Variants in SSUH2 observed in about 807,000 individuals in gnomAD.
SSUH2 encodes the protein ssu-2 homolog.
In SSUH2, 47 loss-of-function variants were observed where a neutral mutation model predicts 55.3. That is an observed-to-expected ratio of 0.85 (90% CI 0.67 to 1.08). SSUH2 has a LOEUF of 1.08. Ranked by LOEUF, SSUH2 falls within the 50% of genes least tolerant of loss-of-function variation. The pLI, the probability that SSUH2 is intolerant of heterozygous loss-of-function variation, is 0.00. For synonymous variants in SSUH2, 212 were observed against 191.5 expected (o/e 1.11, Z -0.89); for missense variants, 535 against 490.7 (o/e 1.09, Z -0.85).
intron 3 of SSUH2, among the ~76,000 whole-genome samples, chr3:8,672,997 T>A (rs576178551): frequency 3.3e-5 from 5 of 152,272 alleles, no homozygotes; most frequent in Admixed American, 3.3e-4. Context: ...ACTGAGGTAT[T>A]AGGCATAATA....
intron 6 of SSUH2, among the ~76,000 whole-genome samples, chr3:8,629,998 C>T (rs763186301): frequency 6.6e-6 from 1 of 152,176 alleles, no homozygotes; most frequent in East Asian, 1.9e-4. Flanking sequence ...TCACACTCTA[C>T]GGTTTCCTAC....
Position 8,663,465 on chromosome 3 carries a change from A to G in SSUH2, c.-396+279T>C, listed in dbSNP as rs541851996. Among the ~76,000 whole-genome samples, 38 of 151,332 alleles carry G rather than the reference A, an allele frequency of 2.5e-4. No homozygotes were observed. In the South Asian group the frequency reaches 7.7e-3, roughly 31 times the overall value. Reference sequence around the variant, plus strand: ...TCCTTTGTTCCCTGATAGTTTCATCAGGGCTTTGTGAGAAACAAACACAAA... The same window carrying G: ...TCCTTTGTTCCCTGATAGTTTCATCGGGGCTTTGTGAGAAACAAACACAAA... On this transcript the variant is annotated intron_variant, in intron 6 of 18. Transcript: ENST00000317371.
In SSUH2 at chr3:8,633,792, G is replaced by A. The variant is rs1699376208; in HGVS notation, c.213C>T (p.Val71=). 3 of 1,613,384 alleles carry A rather than the reference G, an allele frequency of 1.9e-6. No homozygotes were observed. Among genetic ancestry groups the A allele is most frequent in the African/African-American group, 2.7e-5 (2 of 74,936 alleles). ...RSWPSFLEHR[V]PAMTEEVARE... is the part of the protein sequence containing the mutation. Reference sequence around the variant, plus strand: ...GGGCCACCTCCTCCGTCATCGCAGGGACTCTGCAGGGGACCGAACAGAGAG... The same window carrying A: ...GGGCCACCTCCTCCGTCATCGCAGGAACTCTGCAGGGGACCGAACAGAGAG... The change falls in exon 4 of 12, where the codon GTC becomes GTT. Residue 71 remains valine, a synonymous_variant. Coordinates refer to ENST00000544814, the MANE Select transcript of SSUH2 (RefSeq NM_001256748.3).
At chr3:8,623,789 TC>T in intron 10 of SSUH2, 133 bp from the exon 11 acceptor site, 1 of 573,920 alleles carries the variant, frequency 1.7e-6, no homozygotes, top group Non-Finnish European at 3.1e-6. Flanking sequence ...CGGTGTGGTC[TC>T]AGGAATTTCA....
chr3:8,658,871 TA>T (rs34979782), intron 7 of SSUH2: 116,832 of 152,028 alleles, frequency 0.77, 45,195 homozygotes, highest in East Asian at 0.85. Context: ...AAACAAAACA[TA>T]ATAAAGGCTA....
intron 5 of SSUH2, among the ~76,000 whole-genome samples, chr3:8,669,418 G>A (rs892533233): frequency 6.6e-5 from 10 of 152,176 alleles, no homozygotes; most frequent in Middle Eastern, 3.2e-3. Flanking sequence ...AAGGAAAGTA[G>A]ACAAACTTTA....
chr3:8,674,922 G>A (rs112041483), intron 3 of SSUH2, among the ~76,000 whole-genome samples: 4,874 of 152,170 alleles, frequency 0.032, 270 homozygotes, highest in African/African-American at 0.11. Flanking sequence ...CGGCCCAGCC[G>A]GTTAGGCAAA....
At chr3:8,639,996 A>G in intron 1 of SSUH2, 1 of 985,474 alleles carries the variant, frequency 1.0e-6, no homozygotes, top group Non-Finnish European at 1.2e-6. Flanking sequence ...GATTTGAATT[A>G]TACTTGAGAT....
At chr3:8,661,549 C>T (rs1703490711) in intron 6 of SSUH2, among the ~76,000 whole-genome samples, 1 of 152,188 alleles carries the variant, frequency 6.6e-6, no homozygotes, top group Non-Finnish European at 1.5e-5. Flanking sequence ...GTCAGCCTGC[C>T]TGTTTCATGG....
intron 11 of SSUH2, among the ~76,000 whole-genome samples, chr3:8,620,729 G>A (rs1696259591): frequency 6.6e-6 from 1 of 151,966 alleles, no homozygotes; most frequent in Admixed American, 6.5e-5. Flanking sequence ...ATTTTTAGAT[G>A]GAGTGCTGGG....
chr3:8,656,334 C>G (rs770439307), intron 7 of SSUH2, among the ~76,000 whole-genome samples: 6 of 152,230 alleles, frequency 3.9e-5, no homozygotes, highest in Admixed American at 6.5e-5. Context: ...ACTATTTATT[C>G]TTCTAACATA....
chr3:8,661,899 T>C (rs1486006056), intron 6 of SSUH2, among the ~76,000 whole-genome samples: 2 of 152,176 alleles, frequency 1.3e-5, no homozygotes, highest in African/African-American at 4.8e-5. Context: ...TTTCCCCTCA[T>C]ATTTTTCTTG....
At chr3:8,671,688 C>T (rs1229299797) in intron 4 of SSUH2, among the ~76,000 whole-genome samples, 1 of 152,078 alleles carries the variant, frequency 6.6e-6, no homozygotes, top group African/African-American at 2.4e-5. Flanking sequence ...GGTGTATACC[C>T]CGGTGACTTT....
intron 10 of SSUH2, among the ~76,000 whole-genome samples, chr3:8,625,335 A>G (rs1017040987): frequency 2.0e-5 from 3 of 152,012 alleles, no homozygotes; most frequent in Non-Finnish European, 2.9e-5. Context: ...GTGGGTGGGG[A>G]AGGACAGAGG....
At chr3:8,626,128 G>C (rs1303122230) in intron 9 of SSUH2, 101 bp downstream of exon 9, 2 of 929,522 alleles carry the variant, frequency 2.2e-6, no homozygotes, top group Non-Finnish European at 3.5e-6. Flanking sequence ...TTCTTGCACT[G>C]TGAAAGCCCC....
intron 7 of SSUH2, chr3:8,629,460 A>G (rs1398500347): frequency 1.7e-6 from 1 of 581,330 alleles, no homozygotes; most frequent in African/African-American, 1.9e-5. Context: ...TCGAACTGTC[A>G]AAGTGAAAGT....
At chr3:8,646,142 T>C (rs73125174), upstream of SSUH2, among the ~76,000 whole-genome samples, 2,730 of 152,316 alleles carry the variant, frequency 0.018, 82 homozygotes, top group African/African-American at 0.06. Context: ...TATCATGAAT[T>C]TGTATGCCTT....
chr3:8,628,882 G>A (rs1355302646), intron 7 of SSUH2, among the ~76,000 whole-genome samples: 4 of 152,084 alleles, frequency 2.6e-5, no homozygotes, highest in Non-Finnish European at 5.9e-5. Context: ...TTGAGATGGA[G>A]TCTTGCTCTG....
intron 1 of SSUH2, among the ~76,000 whole-genome samples, chr3:8,636,497 C>G (rs1699951225): frequency 1.3e-5 from 2 of 152,144 alleles, no homozygotes; most frequent in Admixed American, 6.5e-5. Flanking sequence ...TGAGCCCTAC[C>G]CTAATTCCTG....
Sources: allele counts gnomAD v4.1 joint callset (sites outside exome capture counted in the v4.1 genomes callset), GRCh38; gene constraint gnomAD v4.1.1; transcripts MANE v1.5; gene names NCBI Gene and HGNC (gene_info 2026-07-23, HGNC 2026-07-21).